The following CLVS1 variants were observed in gnomAD, a reference collection of about 807,000 sequenced individuals.
CLVS1 encodes the protein clavesin-1.
Under a neutral mutation model 33.1 loss-of-function variants are expected in CLVS1, and 10 were observed. The observed-to-expected ratio is 0.30, with a 90% CI of 0.19 to 0.51. The LOEUF is 0.51. CLVS1 is among the 20% of genes least tolerant of loss of function. The pLI is 0.97. For synonymous variants in CLVS1, 163 were observed against 166.1 expected (o/e 0.98, Z 0.14); for missense variants, 343 against 433.4 (o/e 0.79, Z 1.85).
intron 1 of CLVS1, among the ~76,000 whole-genome samples, chr8:61,086,609 T>G (rs1805132066): frequency 6.6e-6 from 1 of 152,238 alleles, no homozygotes; most frequent in Admixed American, 6.5e-5. Flanking sequence ...GGTTACTTTT[T>G]TTTTTCAAGT....
intron 2 of CLVS1, among the ~76,000 whole-genome samples, chr8:61,277,340 T>A (rs1809578061): frequency 6.6e-6 from 1 of 152,190 alleles, no homozygotes; most frequent in Non-Finnish European, 1.5e-5. Context: ...CAAACCTGCA[T>A]TCAGGGCTTG....
chr8:61,253,324 C>T (rs891854759), intron 2 of CLVS1, among the ~76,000 whole-genome samples: 2 of 152,160 alleles, frequency 1.3e-5, no homozygotes, highest in Non-Finnish European at 2.9e-5. Flanking sequence ...TTATGGGTAA[C>T]CTGACCTTTC....
In CLVS1 at chr8:61,202,800, G is replaced by A. The variant is rs114453157; in HGVS notation, c.-152+70940G>A. On this transcript the variant is annotated intron_variant, in intron 2 of 2. Transcript: ENST00000522621. ...GATCTGCCCTCGGAGGTAGTAGCAA[G>A]CTTCCACAGAAAAAAGTAAAACTTG... 1.8e-3 allele frequency: 2,530 copies of A among 1,395,576 alleles called. 42 individuals are homozygous for A. In the African/African-American group the frequency reaches 0.032, roughly 17 times the overall value. The allele number at this position is 1,395,576 out of a possible 1,614,324, so 86.4% of individuals were successfully genotyped here.
the CLVS1 span, among the ~76,000 whole-genome samples, chr8:61,024,530 T>A: frequency 6.6e-6 from 1 of 152,206 alleles, no homozygotes; most frequent in African/African-American, 2.4e-5. Context: ...GAAATTCCTT[T>A]TCTTCTCTAA....
At chr8:61,360,622 T>C (rs1294913830) in intron 2 of CLVS1, among the ~76,000 whole-genome samples, 2 of 152,218 alleles carry the variant, frequency 1.3e-5, no homozygotes, top group Non-Finnish European at 2.9e-5. Context: ...GTTTCTGTTT[T>C]GTTAGATTTC....
intron 2 of CLVS1, among the ~76,000 whole-genome samples, chr8:61,374,995 C>T (rs1465112899): frequency 6.6e-6 from 1 of 152,068 alleles, no homozygotes; most frequent in African/African-American, 2.4e-5. Context: ...AAAAGTCTTG[C>T]TCCCCCTTTT....
At chr8:61,429,150 G>A (rs954546446) in intron 3 of CLVS1, among the ~76,000 whole-genome samples, 2 of 152,096 alleles carry the variant, frequency 1.3e-5, no homozygotes, top group Non-Finnish European at 2.9e-5. Flanking sequence ...AGCTGGGTGC[G>A]GTGGCTCATG....
chr8:61,121,097 G>T (rs4588848), intron 1 of CLVS1, among the ~76,000 whole-genome samples: 3 of 151,074 alleles, frequency 2.0e-5, no homozygotes, highest in African/African-American at 7.3e-5. Flanking sequence ...TTAAGCCCGT[G>T]GGAAAAGCGC....
intron 1 of CLVS1, among the ~76,000 whole-genome samples, chr8:61,067,437 T>C (rs1018845052): frequency 1.7e-4 from 26 of 148,726 alleles, no homozygotes; most frequent in South Asian, 1.0e-3. Flanking sequence ...TAAGGATATA[T>C]TATATATTAT....
chr8:61,261,990 G>GTGTGTGTA (rs1554551247), intron 2 of CLVS1, among the ~76,000 whole-genome samples: 1,899 of 97,364 alleles, frequency 0.02, 39 homozygotes, highest in African/African-American at 0.069. Flanking sequence ...GTGTGTGTGT[G>GTGTGTGTA]TGTGTGTGTG....
At chr8:60,967,460 G>A in the CLVS1 span, 4 of 331,716 alleles carry the variant, frequency 1.2e-5, no homozygotes, top group South Asian at 2.2e-5. Context: ...AACGGAAGCC[G>A]CATAGAGACA....
intron 2 of CLVS1, among the ~76,000 whole-genome samples, chr8:61,196,228 T>C (rs1807604212): frequency 6.6e-6 from 1 of 152,200 alleles, no homozygotes; most frequent in South Asian, 2.1e-4. Flanking sequence ...GAATTTCTCT[T>C]CTATTAAAGA....
intron 2 of CLVS1, among the ~76,000 whole-genome samples, chr8:61,222,191 C>T (rs1808231805): frequency 6.6e-6 from 1 of 151,908 alleles, no homozygotes; most frequent in Non-Finnish European, 1.5e-5. Context: ...TTCAACTCTT[C>T]TCTGATCTTA....
At chr8:61,171,778 A>G (rs1807005705) in intron 2 of CLVS1, among the ~76,000 whole-genome samples, 1 of 152,332 alleles carries the variant, frequency 6.6e-6, no homozygotes, top group Admixed American at 6.5e-5. Flanking sequence ...ATTAAAAAAT[A>G]AAAAATAGTG....
At chr8:61,313,294 T>C (rs1031631993) in intron 2 of CLVS1, among the ~76,000 whole-genome samples, 2 of 151,832 alleles carry the variant, frequency 1.3e-5, no homozygotes, top group African/African-American at 4.8e-5. Context: ...CATGTAAGGG[T>C]CTAGAAGAAA....
chr8:61,242,837 C>A (rs1244283646), intron 2 of CLVS1, among the ~76,000 whole-genome samples: 1 of 152,046 alleles, frequency 6.6e-6, no homozygotes, highest in Non-Finnish European at 1.5e-5. Context: ...AATGTATTTT[C>A]TATTTCTTTG....
intron 2 of CLVS1, among the ~76,000 whole-genome samples, chr8:61,367,913 T>C (rs1813278915): frequency 6.6e-6 from 1 of 152,250 alleles, no homozygotes; most frequent in Non-Finnish European, 1.5e-5. Flanking sequence ...TAAATCTTTG[T>C]ACAAATGCCT....
chr8:61,059,475 C>CATACATATATATATATATAT lies in CLVS1; in HGVS notation c.-243+2248_-243+2249insCATATATATATATATATATA, dbSNP rs59538219. Among the ~76,000 whole-genome samples, 49 of 50,190 alleles carry CATACATATATATATATATAT rather than the reference C, an allele frequency of 9.8e-4. 2 individuals are homozygous for CATACATATATATATATATAT. The highest frequency in any genetic ancestry group is 1.6e-3 in the African/African-American group (27 of 16,810). The allele number at this position is 50,190 out of a possible 152,430, so 32.9% of individuals were successfully genotyped here. A position where few individuals can be genotyped will look rare whatever the true frequency, so the allele number is the denominator to read the frequency against. On this transcript the variant is annotated intron_variant, in intron 1 of 2. Coordinates refer to the CLVS1 transcript ENST00000522621. ...ACACACACATATACATACATACATA[C>CATACATATATATATATATAT]ATATATATATATATATATATATATA...
In CLVS1 at chr8:61,324,938, A is replaced by T. The variant is rs76241787; in HGVS notation, c.455+24656A>T. 5.1e-3 allele frequency among the ~76,000 whole-genome samples: 776 copies of T among 152,260 alleles called. 7 individuals are homozygous for T. Among genetic ancestry groups the T allele is most frequent in the African/African-American group, 0.017 (710 of 41,550 alleles). On this transcript the variant is annotated intron_variant, in intron 2 of 5. Coordinates refer to ENST00000325897, the MANE Select transcript of CLVS1 (RefSeq NM_173519.3). ...ACACCCAACATACCATGGCATGGAT[A>T]ATTGCAATAGGCACTTCTGCTCACA...
Sources: allele counts gnomAD v4.1 joint callset (sites outside exome capture counted in the v4.1 genomes callset), GRCh38; gene constraint gnomAD v4.1.1; transcripts MANE v1.5; gene names NCBI Gene and HGNC (gene_info 2026-07-23, HGNC 2026-07-21).